The following SCN10A variants were observed in gnomAD, a reference collection of about 807,000 sequenced individuals.
The protein encoded by SCN10A is sodium channel protein type 10 subunit alpha.
A neutral mutation model predicts 170.7 loss-of-function variants in SCN10A; 162 were observed. The observed-to-expected ratio is 0.95, with a 90% CI of 0.84 to 1.08. SCN10A has a LOEUF of 1.08. Ranked by LOEUF, SCN10A falls within the 50% of genes least tolerant of loss-of-function variation. The probability of loss-of-function intolerance (pLI) is 0.00; values close to 1 mark genes in which losing one functional copy is unlikely to be tolerated. For synonymous variants in SCN10A, 985 were observed against 904.6 expected (o/e 1.09, Z -1.59); for missense variants, 2,527 against 2,436.9 (o/e 1.04, Z -0.78).
At chr3:38,769,829 C>T (rs2063978520) in intron 5 of SCN10A, among the ~76,000 whole-genome samples, 1 of 152,254 alleles carries the variant, frequency 6.6e-6, no homozygotes, top group African/African-American at 2.4e-5. Context: ...CGTTATTGTT[C>T]TTCTGGGCCT....
At chr3:38,771,449 A>T (rs1486205904) in intron 4 of SCN10A, 42 bp from the exon 5 acceptor site, 2 of 1,607,136 alleles carry the variant, frequency 1.2e-6, no homozygotes, top group African/African-American at 1.3e-5. Context: ...TGTGCCATGG[A>T]GTGTACTCAG....
chr3:38,775,133 A>G (rs1490007567), intron 4 of SCN10A, among the ~76,000 whole-genome samples: 2 of 152,228 alleles, frequency 1.3e-5, no homozygotes, highest in African/African-American at 2.4e-5. Flanking sequence ...ATTTTTAAGT[A>G]CACAATTTAG....
chr3:38,722,751 T>C (rs931677873), intron 19 of SCN10A, among the ~76,000 whole-genome samples: 2 of 152,140 alleles, frequency 1.3e-5, no homozygotes, highest in Non-Finnish European at 2.9e-5. Context: ...GAGGGGGATA[T>C]GCTCCAAGCC....
chr3:38,703,216 C>G (rs980917828), intron 26 of SCN10A, among the ~76,000 whole-genome samples: 1 of 152,188 alleles, frequency 6.6e-6, no homozygotes, highest in Non-Finnish European at 1.5e-5. Flanking sequence ...CTCTTGGTCC[C>G]TCTGCCTCAG....
chr3:38,715,313 A>C (rs1239246824), intron 21 of SCN10A, among the ~76,000 whole-genome samples: 1 of 152,012 alleles, frequency 6.6e-6, no homozygotes, highest in Non-Finnish European at 1.5e-5. Context: ...CTCCATTCCC[A>C]CTGCTCAGCC....
chr3:38,799,117 T>C (rs562154084), intron 1 of SCN10A, among the ~76,000 whole-genome samples: 1 of 152,298 alleles, frequency 6.6e-6, no homozygotes, highest in East Asian at 1.9e-4. Flanking sequence ...GGAGGGGTTC[T>C]TTCTCTATTG....
intron 1 of SCN10A, among the ~76,000 whole-genome samples, chr3:38,814,251 T>C (rs1229367881): frequency 6.6e-6 from 1 of 152,088 alleles, no homozygotes; most frequent in Non-Finnish European, 1.5e-5. Context: ...TGAGAAAGAA[T>C]ACAGCAATTT....
intron 25 of SCN10A, among the ~76,000 whole-genome samples, chr3:38,708,814 C>CT (rs2063238778): frequency 6.6e-6 from 1 of 152,198 alleles, no homozygotes; most frequent in Non-Finnish European, 1.5e-5. Flanking sequence ...AATGCAAACC[C>CT]AGGTTTGCAT....
At chr3:38,760,949 TC>T (rs2063862894) in intron 7 of SCN10A, among the ~76,000 whole-genome samples, 1 of 151,908 alleles carries the variant, frequency 6.6e-6, no homozygotes, top group South Asian at 2.1e-4. Flanking sequence ...GCTCTCAATC[TC>T]CCCCAGCAGA....
At chr3:38,807,996 C>T (rs1406794828) in intron 1 of SCN10A, among the ~76,000 whole-genome samples, 1 of 152,150 alleles carries the variant, frequency 6.6e-6, no homozygotes, top group Non-Finnish European at 1.5e-5. Context: ...CAAATCTGAT[C>T]ATATCACTTC....
intron 1 of SCN10A, among the ~76,000 whole-genome samples, chr3:38,797,449 ATC>A (rs2064347193): frequency 6.6e-6 from 1 of 152,110 alleles, no homozygotes; most frequent in African/African-American, 2.4e-5. Context: ...TTTGTAGTTG[ATC>A]TGTTTCTTAC....
At chr3:38,815,925 C>T (rs1295794055) in intron 1 of SCN10A, 112 bp downstream of exon 1, 1 of 152,172 alleles carries the variant, frequency 6.6e-6, no homozygotes, top group African/African-American at 2.4e-5. Flanking sequence ...AAACATCCCA[C>T]AAAACATGCT....
At chr3:38,704,335 C>A (rs544929875) in intron 26 of SCN10A, among the ~76,000 whole-genome samples, 1 of 152,334 alleles carries the variant, frequency 6.6e-6, no homozygotes, top group Admixed American at 6.5e-5. Context: ...CCTTCCATTT[C>A]ATCACTGAAA....
chr3:38,759,991 G>A (rs757118229), intron 8 of SCN10A, among the ~76,000 whole-genome samples: 52 of 152,342 alleles, frequency 3.4e-4, no homozygotes, highest in Non-Finnish European at 5.0e-4. Context: ...ATTAAGTGTA[G>A]AGCATTTGAC....
At chr3:38,779,184 T>C (rs921147863) in intron 4 of SCN10A, among the ~76,000 whole-genome samples, 1 of 152,080 alleles carries the variant, frequency 6.6e-6, no homozygotes, top group Non-Finnish European at 1.5e-5. Flanking sequence ...AATATGAGGA[T>C]TATGTTAATT....
chr3:38,763,314 T>A (rs1417652979), intron 6 of SCN10A, among the ~76,000 whole-genome samples, 191 bp downstream of exon 6: 2 of 152,206 alleles, frequency 1.3e-5, no homozygotes, highest in Non-Finnish European at 2.9e-5. Flanking sequence ...GACAATAGGC[T>A]TCCAGGTCAC....
At chr3:38,755,324 C>T (rs755086147) in intron 11 of SCN10A, among the ~76,000 whole-genome samples, 14 of 152,174 alleles carry the variant, frequency 9.2e-5, no homozygotes, top group Non-Finnish European at 1.8e-4. Context: ...CTCAGCACCA[C>T]GGACAGGGAA....
At chr3:38,732,579 G>A (rs536813836) in intron 15 of SCN10A, among the ~76,000 whole-genome samples, 88 of 152,194 alleles carry the variant, frequency 5.8e-4, no homozygotes, top group Non-Finnish European at 8.2e-4. Flanking sequence ...CTTTTCAAAA[G>A]CATCAACTAT....
At position 38,763,577 on chromosome 3, in the gene SCN10A, C is replaced by A. The variant is rs1454410857; in HGVS notation, c.619G>T (p.Asp207Tyr). 10 of 1,613,872 alleles carry A rather than the reference C, an allele frequency of 6.2e-6. No individual in the cohort carries two copies. In the Admixed American group the frequency reaches 6.7e-5, roughly 11 times the overall value. Residue 207 changes from aspartate to tyrosine, a missense_variant, in exon 6 of 28, where the codon GAT (aspartate) becomes TAT (tyrosine). Physicochemically the swap from Asp to Tyr is radical, Grantham distance 160. Transcript: ENST00000449082. ...CGCAGGCCTGAGATCCCACGGAGAT[C>A]TATTGCTGTGCCAACATATCTGTAG... is the stretch of plus-strand genomic sequence containing the variant. ...ITLAYVGTAI[D>Y]LRGISGLRTF...
Sources: allele counts gnomAD v4.1 joint callset (sites outside exome capture counted in the v4.1 genomes callset), GRCh38; gene constraint gnomAD v4.1.1; transcripts MANE v1.5; gene names NCBI Gene and HGNC (gene_info 2026-07-23, HGNC 2026-07-21).